Variants in SOX6 observed in about 807,000 individuals in gnomAD.
SOX6 encodes transcription factor SOX-6.
In SOX6, 11 loss-of-function variants were observed where a neutral mutation model predicts 97.8. The ratio of observed to expected loss-of-function variants is 0.11; its 90% CI spans 0.07 to 0.19. SOX6 has a LOEUF of 0.19. SOX6 is among the 10% of genes least tolerant of loss of function. The pLI, the probability that SOX6 is intolerant of heterozygous loss-of-function variation, is 1.00. For missense variants in SOX6, 810 were observed against 1,039.5 expected, an observed-to-expected ratio of 0.78 and a Z score of 3.04; for synonymous variants, 360 against 371.4, an observed-to-expected ratio of 0.97 and a Z score of 0.35.
chr11:16,287,524 A>G (rs1413379593), intron 3 of SOX6, among the ~76,000 whole-genome samples: 1 of 152,052 alleles, frequency 6.6e-6, no homozygotes, highest in African/African-American at 2.4e-5. Flanking sequence ...GGAAACATAG[A>G]AGAATAGAAA....
At chr11:15,974,884 T>C (rs1853429096) in intron 15 of SOX6, among the ~76,000 whole-genome samples, 1 of 152,192 alleles carries the variant, frequency 6.6e-6, no homozygotes, top group African/African-American at 2.4e-5. Context: ...CATAAGTTAT[T>C]ATTTTTTCCA....
chr11:16,499,697 C>G (rs951801581), intron 4 of SOX6, among the ~76,000 whole-genome samples: 15 of 152,280 alleles, frequency 9.9e-5, no homozygotes, highest in Non-Finnish European at 1.5e-4. Flanking sequence ...TGCAAATAAA[C>G]TAGAAAATCT....
intron 4 of SOX6, among the ~76,000 whole-genome samples, chr11:16,203,473 G>T (rs1302104340): frequency 2.0e-5 from 3 of 152,024 alleles, no homozygotes; most frequent in Non-Finnish European, 4.4e-5. Context: ...TTTGAATTCA[G>T]ACAAAACACT....
At chr11:16,589,688 G>A (rs1848129279) in intron 4 of SOX6, among the ~76,000 whole-genome samples, 1 of 152,052 alleles carries the variant, frequency 6.6e-6, no homozygotes, top group African/African-American at 2.4e-5. Context: ...AATACAATTT[G>A]AGATAGAGAT....
chr11:16,676,644 T>C (rs1313556390), intron 3 of SOX6, among the ~76,000 whole-genome samples: 2 of 152,236 alleles, frequency 1.3e-5, no homozygotes, highest in African/African-American at 4.8e-5. Context: ...ATGTAGCTAC[T>C]GAATTCTGTC....
intron 9 of SOX6, among the ~76,000 whole-genome samples, chr11:16,093,472 A>G (rs1403916353): frequency 6.6e-6 from 1 of 152,028 alleles, no homozygotes; most frequent in Non-Finnish European, 1.5e-5. Flanking sequence ...ATTTCAGGGT[A>G]TACTTAATAT....
chr11:15,969,312 G>C lies in SOX6; in HGVS notation c.*3497C>G, dbSNP rs1853237188. The C allele has an allele frequency of 1.3e-5, 2 of 152,086 alleles. No individual in the cohort carries two copies. The highest frequency in any genetic ancestry group is 2.9e-5 in the Non-Finnish European group (2 of 68,010). 9.4% of individuals were successfully genotyped at this position (152,086 alleles called of 1,614,324 possible). On this transcript the variant is annotated 3_prime_UTR_variant, in exon 16 of 16. Coordinates refer to ENST00000683767, the MANE Select transcript of SOX6 (RefSeq NM_001367873.1). ...ATCTCAGAGGTGGATTTTTGCCTTT[G>C]TAGTGGCATTCATGCTTCTTGCTAT...
At chr11:16,490,400 A>G (rs1450543991) in intron 4 of SOX6, among the ~76,000 whole-genome samples, 1 of 152,034 alleles carries the variant, frequency 6.6e-6, no homozygotes, top group East Asian at 1.9e-4. Flanking sequence ...TATATTTTAG[A>G]TCACTATTTT....
At chr11:16,623,766 A>T (rs1848581822) in intron 3 of SOX6, among the ~76,000 whole-genome samples, 1 of 152,148 alleles carries the variant, frequency 6.6e-6, no homozygotes. Context: ...ATCCAAATTC[A>T]TTCTTCTACA....
intron 4 of SOX6, among the ~76,000 whole-genome samples, chr11:16,220,948 T>C (rs1852520390): frequency 6.6e-6 from 1 of 152,048 alleles, no homozygotes; most frequent in South Asian, 2.1e-4. Flanking sequence ...ATTAACTTCA[T>C]TCAGAGTTTC....
At chr11:16,113,414 C>T (rs1002587781) in intron 6 of SOX6, among the ~76,000 whole-genome samples, 4 of 152,174 alleles carry the variant, frequency 2.6e-5, no homozygotes, top group African/African-American at 4.8e-5. Context: ...AAGTTTCGTA[C>T]ATTAGAGTAC....
intron 4 of SOX6, among the ~76,000 whole-genome samples, chr11:16,504,752 T>C (rs1860759398): frequency 6.6e-6 from 1 of 152,094 alleles, no homozygotes; most frequent in African/African-American, 2.4e-5. Context: ...AACTGAATCA[T>C]GGAAGCAGAT....
intron 2 of SOX6, among the ~76,000 whole-genome samples, chr11:16,323,045 T>A (rs773762707): frequency 1.1e-4 from 17 of 152,098 alleles, no homozygotes; most frequent in Admixed American, 6.6e-5. Context: ...TACTATAAAT[T>A]TCTTTTCTTT....
At chr11:16,355,778 T>C (rs1053379719) in intron 1 of SOX6, among the ~76,000 whole-genome samples, 1 of 152,016 alleles carries the variant, frequency 6.6e-6, no homozygotes, top group African/African-American at 2.4e-5. Flanking sequence ...TCATAGATAA[T>C]AGTACTCAGG....
At chr11:16,157,923 C>T (rs182652123) in intron 6 of SOX6, among the ~76,000 whole-genome samples, 2 of 151,974 alleles carry the variant, frequency 1.3e-5, no homozygotes, top group Non-Finnish European at 1.5e-5. Flanking sequence ...CTCCCTTACT[C>T]TATCAATTGG....
chr11:16,201,657 G>A (rs1284059474), intron 4 of SOX6, among the ~76,000 whole-genome samples: 1 of 118,716 alleles, frequency 8.4e-6, no homozygotes, highest in Non-Finnish European at 1.6e-5. Context: ...TTTTTGAGAC[G>A]GAGTCTCGCT....
intron 1 of SOX6, among the ~76,000 whole-genome samples, chr11:16,371,177 GATCTC>G (rs1857485726): frequency 6.6e-6 from 1 of 151,720 alleles, no homozygotes; most frequent in African/African-American, 2.4e-5. Flanking sequence ...CAGCCACTCT[GATCTC>G]ATCCCTCCCT....
chr11:16,328,392 C>A (rs772032939), intron 2 of SOX6, among the ~76,000 whole-genome samples: 2 of 152,128 alleles, frequency 1.3e-5, no homozygotes, highest in Non-Finnish European at 2.9e-5. Flanking sequence ...ATAGCAAAAA[C>A]AACCAAAAGT....
At chr11:16,460,049 G>A (rs533546497) in intron 1 of SOX6, among the ~76,000 whole-genome samples, 1 of 151,840 alleles carries the variant, frequency 6.6e-6, no homozygotes, top group East Asian at 1.9e-4. Context: ...AGTGATAAGG[G>A]GGGGAAAAAA....
Sources: allele counts gnomAD v4.1 joint callset (sites outside exome capture counted in the v4.1 genomes callset), GRCh38; gene constraint gnomAD v4.1.1; transcripts MANE v1.5; gene names NCBI Gene and HGNC (gene_info 2026-07-23, HGNC 2026-07-21).